Variants in C4orf50 observed in about 807,000 individuals in gnomAD.
The protein encoded by C4orf50 is uncharacterized protein C4orf50.
C4orf50 carries 80 observed loss-of-function variants against 77.2 expected under a neutral mutation model. The observed-to-expected ratio is 1.04, with a 90% CI of 0.87 to 1.25. C4orf50 has a LOEUF of 1.25. Among genes scored for constraint, C4orf50 ranks in the 50% most tolerant of loss-of-function variants. The probability of loss-of-function intolerance (pLI) is 0.00; values close to 1 mark genes in which losing one functional copy is unlikely to be tolerated. For synonymous variants in C4orf50, 532 were observed against 465.3 expected, an observed-to-expected ratio of 1.14 and a Z score of -1.84; for missense variants, 1,257 against 1,152.9, an observed-to-expected ratio of 1.09 and a Z score of -1.31.
chr4:5,923,117 G>A (rs1028887763), intron 7 of C4orf50, among the ~76,000 whole-genome samples: 1 of 152,268 alleles, frequency 6.6e-6, no homozygotes, highest in South Asian at 2.1e-4. Context: ...GAGGGAAAGG[G>A]ACCTGACATT....
chr4:5,931,754 G>A (rs1356709535), intron 7 of C4orf50, among the ~76,000 whole-genome samples: 1 of 152,058 alleles, frequency 6.6e-6, no homozygotes, highest in Non-Finnish European at 1.5e-5. Context: ...GGAGCCTAAG[G>A]TTTGCACACC....
chr4:6,002,471 T>A (rs1477653451), intron 25 of C4orf50, among the ~76,000 whole-genome samples: 1 of 152,220 alleles, frequency 6.6e-6, no homozygotes, highest in Non-Finnish European at 1.5e-5. Flanking sequence ...GCCTTGCCTG[T>A]TTCCTCAAGG....
At chr4:5,986,710 T>C (rs1720883348) in intron 28 of C4orf50, among the ~76,000 whole-genome samples, 1 of 152,020 alleles carries the variant, frequency 6.6e-6, no homozygotes, top group African/African-American at 2.4e-5. Flanking sequence ...AGCTAATTTT[T>C]GTATTTTTAG....
chr4:5,972,254 C>T (rs926959032), intron 31 of C4orf50, among the ~76,000 whole-genome samples: 6 of 152,096 alleles, frequency 3.9e-5, no homozygotes, highest in Admixed American at 2.0e-4. Context: ...CTGTCCGCCC[C>T]GGCCTCCCAA....
intron 7 of C4orf50, among the ~76,000 whole-genome samples, chr4:5,915,547 A>G (rs6854898): frequency 0.95 from 144,019 of 152,258 alleles, 68,402 homozygotes; most frequent in East Asian, 1. Context: ...CTTGGGACAC[A>G]GTTGTGAAGA....
chr4:5,952,643 C>T (rs1296306520), downstream of C4orf50, among the ~76,000 whole-genome samples: 4 of 152,176 alleles, frequency 2.6e-5, no homozygotes, highest in Non-Finnish European at 5.9e-5. This position sits in a 1 kb window ranked among gnomAD's most constrained non-coding sequence, Gnocchi z 4.4. Context: ...GGAGATATTC[C>T]AAACTGTCTA....
intron 7 of C4orf50, among the ~76,000 whole-genome samples, chr4:5,948,311 C>T (rs866145261): frequency 6.6e-6 from 1 of 152,198 alleles, no homozygotes; most frequent in Non-Finnish European, 1.5e-5. Context: ...ACCTCGAATT[C>T]GTAACTAATG....
chr4:6,002,500 G>A (rs1298911885), intron 25 of C4orf50, among the ~76,000 whole-genome samples: 1 of 152,204 alleles, frequency 6.6e-6, no homozygotes, highest in Non-Finnish European at 1.5e-5. Context: ...GCAGCCCCGG[G>A]AATACCCCAG....
At chr4:5,997,368 C>T (rs1721642250) in intron 25 of C4orf50, among the ~76,000 whole-genome samples, 1 of 152,174 alleles carries the variant, frequency 6.6e-6, no homozygotes, top group South Asian at 2.1e-4. Context: ...GAAGTGACAT[C>T]CAGCGGACAC....
At chr4:6,013,698 G>A (rs1316236349) in intron 23 of C4orf50, among the ~76,000 whole-genome samples, 2 of 152,130 alleles carry the variant, frequency 1.3e-5, no homozygotes, top group Non-Finnish European at 2.9e-5. Context: ...ACCAACACGC[G>A]ATTGCATGCA....
chr4:5,978,978 C>T (rs1024703143), intron 29 of C4orf50, among the ~76,000 whole-genome samples: 1 of 152,146 alleles, frequency 6.6e-6, no homozygotes, highest in African/African-American at 2.4e-5. Flanking sequence ...GGGAGAAGAG[C>T]TGGAAATTAT....
Position 5,986,806 on chromosome 4 carries a change from G to T in C4orf50, c.3699+1541C>A, listed in dbSNP as rs149865585. ...CCCTCCTTGGCCTCTCAAAGTGCTG[G>T]GATTACAGGCATGAGCCACCATGCC... is the stretch of plus-strand genomic sequence containing the variant. On this transcript the variant is annotated intron_variant, in intron 28 of 33. Transcript: ENST00000531445. Among the ~76,000 whole-genome samples, 68 of 152,052 alleles carry T rather than the reference G, an allele frequency of 4.5e-4. 1 individual carries two copies. In the East Asian group the frequency reaches 0.013, roughly 30 times the overall value.
chr4:5,923,528 G>A (rs549129119), intron 7 of C4orf50, among the ~76,000 whole-genome samples: 8 of 152,198 alleles, frequency 5.3e-5, no homozygotes, highest in Admixed American at 4.6e-4. Flanking sequence ...GGTGCAAGCA[G>A]ATGGAGAGAA....
intron 7 of C4orf50, among the ~76,000 whole-genome samples, chr4:5,950,984 C>T (rs566126184): frequency 3.3e-4 from 51 of 152,364 alleles, no homozygotes; most frequent in African/African-American, 1.2e-3. Flanking sequence ...AGACAAGGTG[C>T]TCAGCCCACA....
At chr4:5,964,398 C>T (rs184545888) in intron 33 of C4orf50, among the ~76,000 whole-genome samples, 1 of 152,058 alleles carries the variant, frequency 6.6e-6, no homozygotes, top group African/African-American at 2.4e-5. Flanking sequence ...CAAAGGAAGT[C>T]CTCTGTGGAT....
chr4:5,948,175 C>T (rs1308083308), intron 7 of C4orf50, among the ~76,000 whole-genome samples: 1 of 152,188 alleles, frequency 6.6e-6, no homozygotes. Flanking sequence ...GAGAGCAAGG[C>T]TCATACAGCA....
At chr4:5,930,927 G>A (rs536265004) in intron 7 of C4orf50, among the ~76,000 whole-genome samples, 1 of 152,310 alleles carries the variant, frequency 6.6e-6, no homozygotes, top group African/African-American at 2.4e-5. Flanking sequence ...AAGGGGTAAC[G>A]GGATAAAGAA....
chr4:5,983,113 C>T (rs886584414), intron 28 of C4orf50, among the ~76,000 whole-genome samples: 1 of 152,220 alleles, frequency 6.6e-6, no homozygotes, highest in African/African-American at 2.4e-5. Context: ...CTTTTCACTG[C>T]AAATTCCTCA....
In C4orf50 at chr4:5,916,164, G is replaced by C. The variant is rs1478451690; in HGVS notation, c.*2475-17976C>G. 1.3e-5 allele frequency among the ~76,000 whole-genome samples: 2 copies of C among 152,196 alleles called. No individual in the cohort carries two copies. Among genetic ancestry groups the C allele is most frequent in the African/African-American group, 4.8e-5 (2 of 41,436 alleles). On this transcript the variant is annotated intron_variant, in intron 7 of 7. Coordinates refer to the C4orf50 transcript ENST00000324058. This position sits in a 1 kb window ranked among gnomAD's most constrained non-coding sequence, Gnocchi z 4.4. The stretch of plus-strand genomic sequence containing the variant: ...GCCCTACCATTTTCCTGGTTCCTGT[G>C]GGCTGTGACTTCTTTCTTATTCTGT...
Sources: gnomAD v4.1 joint callset for allele counts (sites outside exome capture counted in the v4.1 genomes callset) on GRCh38, gnomAD v4.1.1 for gene constraint, Gnocchi (gnomAD v3.1) non-coding constraint, MANE v1.5 for transcripts, NCBI Gene and HGNC (gene_info 2026-07-23, HGNC 2026-07-21) for gene names.